PPP2R2C: variants seen among roughly 807,000 people sequenced by gnomAD.
The protein encoded by PPP2R2C is protein phosphatase 2, regulatory subunit B, gamma.
In PPP2R2C, 10 loss-of-function variants were observed where a neutral mutation model predicts 45.3. That is an observed-to-expected ratio of 0.22 (90% CI 0.14 to 0.37). The LOEUF (loss-of-function observed/expected upper bound fraction) is 0.37. Ranked by LOEUF, PPP2R2C falls within the 10% of genes least tolerant of loss-of-function variation. PPP2R2C has a pLI of 1.00. For synonymous variants in PPP2R2C, 257 were observed against 245.4 expected (o/e 1.05, Z -0.44); for missense variants, 308 against 619.7 (o/e 0.50, Z 5.34).
chr4:6,433,920 G>C (rs1441423452), intron 1 of PPP2R2C, among the ~76,000 whole-genome samples: 1 of 152,190 alleles, frequency 6.6e-6, no homozygotes, highest in Non-Finnish European at 1.5e-5. Flanking sequence ...CTTTGGTTAA[G>C]AAATGAGTAT....
At chr4:6,425,903 C>G (rs1275496541) in intron 1 of PPP2R2C, among the ~76,000 whole-genome samples, 14 of 151,776 alleles carry the variant, frequency 9.2e-5, no homozygotes, top group Non-Finnish European at 1.2e-4. Context: ...TATGTGTGTG[C>G]ATGCACACGT....
At chr4:6,339,849 G>A (rs1733311475) in intron 6 of PPP2R2C, among the ~76,000 whole-genome samples, 1 of 152,196 alleles carries the variant, frequency 6.6e-6, no homozygotes, top group African/African-American at 2.4e-5. Context: ...AGGGTGGAGT[G>A]GCCTGGGCCA....
intron 1 of PPP2R2C, among the ~76,000 whole-genome samples, chr4:6,409,422 C>T (rs1718004976): frequency 6.6e-6 from 1 of 152,148 alleles, no homozygotes; most frequent in Admixed American, 6.5e-5. Context: ...GCCAGTGGTG[C>T]CAGGCACCAG....
At chr4:6,461,593 C>T (rs896204032) in intron 1 of PPP2R2C, among the ~76,000 whole-genome samples, 14 of 152,274 alleles carry the variant, frequency 9.2e-5, no homozygotes, top group Non-Finnish European at 1.5e-4. Context: ...GGTCTGGAGC[C>T]CCGCATCACT....
At chr4:6,410,340 C>T (rs149694031) in intron 1 of PPP2R2C, among the ~76,000 whole-genome samples, 271 of 152,220 alleles carry the variant, frequency 1.8e-3, no homozygotes, top group Non-Finnish European at 3.4e-3. Flanking sequence ...GGTATGCCCT[C>T]GTCACCCATC....
chr4:6,545,501 T>C (rs1471769976), intron 1 of PPP2R2C, among the ~76,000 whole-genome samples: 1 of 152,160 alleles, frequency 6.6e-6, no homozygotes, highest in Non-Finnish European at 1.5e-5. Flanking sequence ...ATAAGTCTCT[T>C]TTCCATGATA....
chr4:6,533,369 A>G (rs1016580348), intron 2 of PPP2R2C, among the ~76,000 whole-genome samples: 2 of 152,296 alleles, frequency 1.3e-5, no homozygotes, highest in Admixed American at 6.5e-5. Context: ...GAAACAGCAA[A>G]GGTCTTTCTC....
chr4:6,515,121 G>C (rs933350486), intron 2 of PPP2R2C, among the ~76,000 whole-genome samples: 1 of 152,050 alleles, frequency 6.6e-6, no homozygotes, highest in Non-Finnish European at 1.5e-5. Context: ...TCTTTTGAGG[G>C]GACACAATTC....
chr4:6,456,031 C>G (rs1429408349), intron 1 of PPP2R2C, among the ~76,000 whole-genome samples: 1 of 152,192 alleles, frequency 6.6e-6, no homozygotes, highest in Admixed American at 6.5e-5. Flanking sequence ...CTGAATCCCC[C>G]TACCCCACCC....
At chr4:6,552,279 T>C (rs1193396781) in intron 1 of PPP2R2C, among the ~76,000 whole-genome samples, 1 of 152,166 alleles carries the variant, frequency 6.6e-6, no homozygotes, top group African/African-American at 2.4e-5. Context: ...AGAAGCTTAT[T>C]CTCTAACTGT....
intron 1 of PPP2R2C, among the ~76,000 whole-genome samples, chr4:6,547,011 T>G (rs1433464130): frequency 6.6e-6 from 1 of 152,204 alleles, no homozygotes; most frequent in Non-Finnish European, 1.5e-5. Context: ...TCCCAGCGGC[T>G]CACATTCACC....
intron 6 of PPP2R2C, among the ~76,000 whole-genome samples, chr4:6,335,271 C>A (rs890352458): frequency 4.6e-5 from 7 of 152,186 alleles, no homozygotes; most frequent in South Asian, 2.1e-4. Flanking sequence ...GAAGAGCCAG[C>A]AGGCAGATAG....
At chr4:6,382,000 C>T (rs768372451) in intron 1 of PPP2R2C, 44 of 1,419,298 alleles carry the variant, frequency 3.1e-5, no homozygotes, top group Non-Finnish European at 3.9e-5. Flanking sequence ...AAGGCCCTAG[C>T]CTGGAAGAGA....
At chr4:6,503,117 C>G (rs1209996975) in intron 2 of PPP2R2C, among the ~76,000 whole-genome samples, 1 of 152,194 alleles carries the variant, frequency 6.6e-6, no homozygotes, top group Non-Finnish European at 1.5e-5. Flanking sequence ...ACTTTAACAG[C>G]TTCCTGTCCA....
chr4:6,527,435 C>T (rs533555329), intron 2 of PPP2R2C, among the ~76,000 whole-genome samples: 2 of 152,268 alleles, frequency 1.3e-5, no homozygotes, highest in South Asian at 2.1e-4. Context: ...GTGCCCCAGA[C>T]GGTGAGTCAC....
At chr4:6,443,487 C>T (rs552430809) in intron 1 of PPP2R2C, among the ~76,000 whole-genome samples, 226 of 152,314 alleles carry the variant, frequency 1.5e-3, no homozygotes, top group African/African-American at 5.0e-3. Context: ...ACCACCCCGG[C>T]GTGAGTCACC....
chr4:6,496,033 C>A lies in PPP2R2C; in HGVS notation c.49+39238G>T, dbSNP rs1722871703. 3.9e-5 allele frequency among the ~76,000 whole-genome samples: 6 copies of A among 152,276 alleles called. No homozygotes were observed. The South Asian group carries it at 1.2e-3, about 32-fold the overall frequency. On this transcript the variant is annotated intron_variant, in intron 2 of 9. Coordinates refer to the PPP2R2C transcript ENST00000506140. ...TGTGAACACATCACCCCAGTCTCTG[C>A]CTCCTCCTCTGTATCTCCCTAACCC... is the stretch of plus-strand genomic sequence containing the variant.
rs1450400387 is a variant in PPP2R2C at position 6,471,358 on chromosome 4, G to A, written c.70+802C>T. 2.0e-5 allele frequency among the ~76,000 whole-genome samples: 3 copies of A among 152,056 alleles called. No homozygotes were observed. Among genetic ancestry groups the A allele is most frequent in the Admixed American group, 6.5e-5 (1 of 15,286 alleles). The stretch of plus-strand genomic sequence containing the variant: ...AAGCTGTCCCCACTGTTCCCCTAGC[G>A]AGGCAGACCAGGGGGCCCCCGGAAG... On this transcript the variant is annotated intron_variant, in intron 1 of 8. Transcript: ENST00000382599. The surrounding 1 kb of genome is among the most constrained non-coding windows in gnomAD (Gnocchi z 5.6).
chr4:6,355,824 C>G (rs1350037929), intron 5 of PPP2R2C, among the ~76,000 whole-genome samples: 1 of 122,662 alleles, frequency 8.2e-6, no homozygotes, highest in Non-Finnish European at 1.8e-5. Context: ...AACCCTGACT[C>G]TACTAAAAAT....
Sources: allele counts gnomAD v4.1 joint callset (sites outside exome capture counted in the v4.1 genomes callset), GRCh38; gene constraint gnomAD v4.1.1; non-coding constraint Gnocchi (gnomAD v3.1); transcripts MANE v1.5; gene names NCBI Gene and HGNC (gene_info 2026-07-23, HGNC 2026-07-21).